Variants in MTFMT observed in about 807,000 individuals in gnomAD.
MTFMT encodes mitochondrial methionyl-tRNA formyltransferase, also known as methionyl-tRNA formyltransferase, mitochondrial.
In MTFMT, 47 loss-of-function variants were observed where a neutral mutation model predicts 51.8. The ratio of observed to expected loss-of-function variants is 0.91; its 90% CI spans 0.72 to 1.16. The LOEUF is 1.16. Ranked by LOEUF, MTFMT falls within the 50% of genes most tolerant of loss-of-function variation. The pLI is 0.00. For synonymous variants in MTFMT, 196 were observed against 176.7 expected (o/e 1.11, Z -0.87); for missense variants, 512 against 482.3 (o/e 1.06, Z -0.58).
chr15:65,029,099 G>A (rs1010944480), intron 1 of MTFMT, among the ~76,000 whole-genome samples: 6 of 152,192 alleles, frequency 3.9e-5, no homozygotes, highest in African/African-American at 1.4e-4. Flanking sequence ...GAGGCCGTGG[G>A]ACTGGCCCGG....
intron 1 of MTFMT, 33 bp downstream of exon 1, chr15:65,029,372 G>A (rs2086458897): frequency 3.5e-6 from 5 of 1,425,552 alleles, no homozygotes; most frequent in Non-Finnish European, 2.8e-6. Context: ...GAGGCCTTCA[G>A]CGGCCGGGTC....
In MTFMT at chr15:65,027,003, C is replaced by T. The variant is rs1358301355; in HGVS notation, c.247G>A (p.Val83Met). 1.9e-6 allele frequency: 3 copies of T among 1,613,822 alleles called. No homozygotes were observed. The highest frequency in any genetic ancestry group is 1.7e-5 in the Admixed American group (1 of 59,994). ...KEEELIDKLE[V>M]VTMPSPSPKG... ...GGTGATGGGGAAGGCATTGTGACCA[C>T]CTCCAGTTTGTCGATTAACTCTTCT... The change falls in exon 2 of 9, where the codon GTG (valine) becomes ATG (methionine). Residue 83 changes from valine to methionine, a missense_variant. Physicochemically the swap from Val to Met is conservative, Grantham distance 21. Transcript: ENST00000220058.
rs2086187802 is a variant in MTFMT, at chr15:65,002,924, C to T, written c.*138G>A. The T allele has an allele frequency of 1.9e-6, 1 of 533,758 alleles. No individual in the cohort carries two copies. The highest frequency in any genetic ancestry group is 2.2e-5 in the African/African-American group (1 of 44,766). The allele number at this position is 533,758 out of a possible 1,614,324, so 33.1% of individuals were successfully genotyped here. A position where few individuals can be genotyped will look rare whatever the true frequency, so the allele number is the denominator to read the frequency against. ...GTTGCAGTGAGCTGAGATAGTGCCA[C>T]TGGATTCCAGCCTGGGTGACAGAGT... On this transcript the variant is annotated 3_prime_UTR_variant, in exon 9 of 9. Coordinates refer to ENST00000220058, the MANE Select transcript of MTFMT (RefSeq NM_139242.4).
chr15:65,026,913 C>A lies in MTFMT; in HGVS notation c.337G>T (p.Val113Leu). 1 of 1,614,034 alleles carries A rather than the reference C, an allele frequency of 6.2e-7. No homozygotes were observed. The highest frequency in any genetic ancestry group is 8.5e-7 in the Non-Finnish European group (1 of 1,179,902). The change falls in exon 2 of 9, where the codon GTG becomes TTG. Residue 113 changes from valine to leucine, a missense_variant. Val to Leu is a conservative substitution (Grantham distance 32). Coordinates refer to ENST00000220058, the MANE Select transcript of MTFMT (RefSeq NM_139242.4). The stretch of plus-strand genomic sequence containing the variant: ...CCAACATCATATTCTCCAGATCCCA[C>A]ATCCGGCCACTCATATACGGGAAGC... Reference protein sequence around the residue: ...SQLPVYEWPDVGSGEYDVGVV... With the variant: ...SQLPVYEWPDLGSGEYDVGVV...
At chr15:65,015,928 C>A (rs951864704) in intron 6 of MTFMT, 1 of 152,350 alleles carries the variant, frequency 6.6e-6, no homozygotes, top group Non-Finnish European at 1.5e-5. Flanking sequence ...AAGGAAAAAA[C>A]CCCACAAATT....
intron 5 of MTFMT, among the ~76,000 whole-genome samples, chr15:65,018,695 A>T (rs1173337112): frequency 6.6e-6 from 1 of 152,174 alleles, no homozygotes; most frequent in Admixed American, 6.5e-5. Flanking sequence ...AAGCACTCCA[A>T]ACTAGTGGGA....
In MTFMT at chr15:65,025,523, CGA is replaced by C. The variant is rs530168473; in HGVS notation, c.419+1306_419+1307del. Among the ~76,000 whole-genome samples the C allele has an allele frequency of 1.1e-3, 172 of 152,142 alleles. 1 individual carries two copies. Among genetic ancestry groups the C allele is most frequent in the African/African-American group, 4.0e-3 (167 of 41,510 alleles). On this transcript the variant is annotated intron_variant, in intron 2 of 8. Transcript: ENST00000220058. ...TAGGAGGCTTCTGTAGTAATGTAGGCGAGAGTGGCAGCAGCGGAAGTGATGAG... is the reference window on the plus strand; with the variant it reads ...TAGGAGGCTTCTGTAGTAATGTAGGCGAGTGGCAGCAGCGGAAGTGATGAG...
chr15:65,003,866 A>AAAAAAAAAAAAAAG lies in MTFMT; in HGVS notation c.976-611_976-610insCTTTTTTTTTTTTT, dbSNP rs2086199512. Among the ~76,000 whole-genome samples, 14 of 147,848 alleles carry AAAAAAAAAAAAAAG rather than the reference A, an allele frequency of 9.5e-5. No homozygotes were observed. In the East Asian group the frequency reaches 2.2e-3, roughly 23 times the overall value. On this transcript the variant is annotated intron_variant, in intron 8 of 8. Transcript: ENST00000220058. ...ATCTCAAAAAAAAAAAAAAAAAAAA[A>AAAAAAAAAAAAAAG]GGGAAATACATATATATAGACCCAG...
At chr15:65,012,998 T>C (rs541401166) in intron 6 of MTFMT, among the ~76,000 whole-genome samples, 26 of 152,294 alleles carry the variant, frequency 1.7e-4, no homozygotes, top group Middle Eastern at 3.4e-3. Context: ...CTGGGGTCTT[T>C]CCATTTACTT....
At chr15:65,010,247 A>T (rs1481413825) in intron 6 of MTFMT, among the ~76,000 whole-genome samples, 1 of 151,916 alleles carries the variant, frequency 6.6e-6, no homozygotes, top group Non-Finnish European at 1.5e-5. Flanking sequence ...CAGAAAATTC[A>T]CCCTTTTGAA....
At chr15:65,015,479 C>T (rs2086312338) in intron 6 of MTFMT, among the ~76,000 whole-genome samples, 1 of 152,124 alleles carries the variant, frequency 6.6e-6, no homozygotes, top group Non-Finnish European at 1.5e-5. Context: ...ATTTAGCATG[C>T]TATAGATATC....
chr15:65,017,470 G>C (rs1437926941), intron 5 of MTFMT, among the ~76,000 whole-genome samples: 2 of 152,080 alleles, frequency 1.3e-5, no homozygotes, highest in Non-Finnish European at 2.9e-5. Flanking sequence ...CCATCAATAA[G>C]ACATCTGTTG....
chr15:65,011,956 T>C (rs754132861), intron 6 of MTFMT, among the ~76,000 whole-genome samples: 3 of 152,122 alleles, frequency 2.0e-5, no homozygotes, highest in South Asian at 2.1e-4. Context: ...TTTACACCTA[T>C]ATTTTCTTCT....
In MTFMT at chr15:65,016,438, T is replaced by G; in HGVS notation, c.811A>C (p.Ile271Leu). 1 of 1,596,808 alleles carries G rather than the reference T, an allele frequency of 6.3e-7. No individual in the cohort carries two copies. Among genetic ancestry groups the G allele is most frequent in the Non-Finnish European group, 8.6e-7 (1 of 1,168,378 alleles). ...TGCAACCTGACTTCCCAACTTACTA[T>G]ATTTCCAATGGCACGGTAAAGTCTG... ...IFRLYRAIGN[I>L]IPLQTLWMAN... Residue 271 changes from isoleucine to leucine, a missense_variant and splice_region_variant, in exon 6 of 9, where the codon ATA becomes CTA. Transcript: ENST00000220058.
At chr15:65,019,209 A>G (rs2086349744) in intron 5 of MTFMT, among the ~76,000 whole-genome samples, 1 of 152,208 alleles carries the variant, frequency 6.6e-6, no homozygotes, top group African/African-American at 2.4e-5. Flanking sequence ...ATCTCAACCA[A>G]GTGATCAAAC....
chr15:65,006,581 T>C (rs1272327820), intron 6 of MTFMT, among the ~76,000 whole-genome samples: 1 of 152,080 alleles, frequency 6.6e-6, no homozygotes, highest in Non-Finnish European at 1.5e-5. Flanking sequence ...TTTCACCATG[T>C]TAGCCACGAT....
intron 6 of MTFMT, among the ~76,000 whole-genome samples, chr15:65,013,621 T>C (rs1001109055): frequency 1.3e-5 from 2 of 152,228 alleles, no homozygotes; most frequent in South Asian, 4.1e-4. Context: ...GATTTTCATA[T>C]GTTGAACCAA....
In MTFMT at chr15:65,011,433, G is replaced by A. The variant is rs141010952; in HGVS notation, c.813+5003C>T. 4.6e-3 allele frequency among the ~76,000 whole-genome samples: 678 copies of A among 148,054 alleles called. 7 individuals are homozygous for A. Among genetic ancestry groups the A allele is most frequent in the African/African-American group, 0.016 (637 of 39,850 alleles). On this transcript the variant is annotated intron_variant, in intron 6 of 8. Transcript: ENST00000220058. Reference sequence around the variant, plus strand: ...AAGAATTCTTTACTCTGGATATTAGGCCCTTATCAGTTATATGATTTGCAA... The same window carrying A: ...AAGAATTCTTTACTCTGGATATTAGACCCTTATCAGTTATATGATTTGCAA...
intron 3 of MTFMT, among the ~76,000 whole-genome samples, 187 bp downstream of exon 3, chr15:65,023,485 A>G (rs1312827688): frequency 1.3e-5 from 2 of 151,252 alleles, no homozygotes; most frequent in African/African-American, 4.8e-5. Context: ...GAGACCCCGC[A>G]TAAATACCAA....
Sources: allele counts gnomAD v4.1 joint callset (sites outside exome capture counted in the v4.1 genomes callset), GRCh38; gene constraint gnomAD v4.1.1; transcripts MANE v1.5; gene names NCBI Gene and HGNC (gene_info 2026-07-23, HGNC 2026-07-21).